The following ACAN variants were observed in gnomAD, a reference collection of about 807,000 sequenced individuals.
ACAN encodes aggrecan core protein.
A neutral mutation model predicts 169.1 loss-of-function variants in ACAN; 47 were observed. That is an observed-to-expected ratio of 0.28 (90% CI 0.22 to 0.35). The LOEUF (loss-of-function observed/expected upper bound fraction) is 0.35. ACAN is among the 10% of genes least tolerant of loss of function. The pLI, the probability that ACAN is intolerant of heterozygous loss-of-function variation, is 1.00. For synonymous variants in ACAN, 1,115 were observed against 1,112.2 expected (o/e 1.00, Z -0.05); for missense variants, 2,716 against 2,759.9 (o/e 0.98, Z 0.36).
chr15:88,818,781 A>G (rs1478446902), intron 1 of ACAN, among the ~76,000 whole-genome samples: 1 of 152,104 alleles, frequency 6.6e-6, no homozygotes, highest in Non-Finnish European at 1.5e-5. Flanking sequence ...TTAGGGGCCA[A>G]CCCCATGAAG....
At chr15:88,820,648 A>G (rs576808186) in intron 1 of ACAN, among the ~76,000 whole-genome samples, 3 of 151,726 alleles carry the variant, frequency 2.0e-5, no homozygotes, top group Admixed American at 2.0e-4. Flanking sequence ...CTCAAATCCT[A>G]CCTCTTTTTT....
chr15:88,819,735 C>T (rs972988308), intron 1 of ACAN, among the ~76,000 whole-genome samples: 10 of 152,032 alleles, frequency 6.6e-5, no homozygotes, highest in Non-Finnish European at 1.0e-4. Context: ...CACTGCACTC[C>T]AGCCTGGGTG....
Position 88,861,167 on chromosome 15 carries a change from T to C in ACAN, c.6946+728T>C, listed in dbSNP as rs1021050679. On this transcript the variant is annotated intron_variant, in intron 13 of 18. Coordinates refer to ENST00000560601, the MANE Select transcript of ACAN (RefSeq NM_001369268.1). This position sits in a 1 kb window ranked among gnomAD's most constrained non-coding sequence, Gnocchi z 6.3. ...GTCATGAGGACATCTCATCTCATCTTATCAACATCACCACCTTGAGGAAAG... is the reference window on the plus strand; with the variant it reads ...GTCATGAGGACATCTCATCTCATCTCATCAACATCACCACCTTGAGGAAAG... 2.0e-5 allele frequency among the ~76,000 whole-genome samples: 3 copies of C among 151,868 alleles called. No homozygotes were observed. The highest frequency in any genetic ancestry group is 6.6e-5 in the Admixed American group (1 of 15,264).
At chr15:88,845,953 C>T in intron 7 of ACAN, 71 bp downstream of exon 7, 2 of 1,409,286 alleles carry the variant, frequency 1.4e-6, no homozygotes, top group South Asian at 3.3e-5. Context: ...GGGATTCCCG[C>T]AGTTGAAGGC....
chr15:88,824,764 A>G (rs1896168410), intron 1 of ACAN, among the ~76,000 whole-genome samples: 1 of 152,086 alleles, frequency 6.6e-6, no homozygotes, highest in African/African-American at 2.4e-5. Flanking sequence ...CTGTAATCCC[A>G]GCTACTTGGG....
intron 1 of ACAN, among the ~76,000 whole-genome samples, chr15:88,835,788 C>T (rs1200848429): frequency 1.3e-5 from 2 of 152,202 alleles, no homozygotes; most frequent in Non-Finnish European, 2.9e-5. Flanking sequence ...TTAGGGAGGA[C>T]CATCTGCTTT....
At position 88,812,175 on chromosome 15, in the gene ACAN, C is replaced by T. The variant is rs1037461077; in HGVS notation, c.-8+8366C>T. Among the ~76,000 whole-genome samples the T allele has an allele frequency of 2.0e-5, 3 of 152,304 alleles. No homozygotes were observed. The South Asian group carries it at 6.2e-4, about 32-fold the overall frequency. On this transcript the variant is annotated intron_variant, in intron 1 of 18. Coordinates refer to ENST00000560601, the MANE Select transcript of ACAN (RefSeq NM_001369268.1). Reference sequence around the variant, plus strand: ...CCCATCTAGGCCCTCCCCATCTGCCCTCTTCTCTGGATCTGCCTTCTCAGT... The same window carrying T: ...CCCATCTAGGCCCTCCCCATCTGCCTTCTTCTCTGGATCTGCCTTCTCAGT...
rs545607763 is a variant in ACAN at position 88,838,241 on chromosome 15, A to T, written c.71-422A>T. 6.6e-6 allele frequency among the ~76,000 whole-genome samples: 1 copy of T among 152,200 alleles called. No homozygotes were observed. The highest frequency in any genetic ancestry group is 6.5e-5 in the Admixed American group (1 of 15,286). On this transcript the variant is annotated intron_variant, in intron 2 of 18. Coordinates refer to ENST00000560601, the MANE Select transcript of ACAN (RefSeq NM_001369268.1). This position sits in a 1 kb window ranked among gnomAD's most constrained non-coding sequence, Gnocchi z 5.1. Reference sequence around the variant, plus strand: ...CTGTCTCAGCTTTAAAATTGTGTAGATTACTTTTCTACCCCAACATAATTT... The same window carrying T: ...CTGTCTCAGCTTTAAAATTGTGTAGTTTACTTTTCTACCCCAACATAATTT...
chr15:88,848,737 C>T (rs1034032672), intron 9 of ACAN, among the ~76,000 whole-genome samples: 7 of 152,224 alleles, frequency 4.6e-5, no homozygotes, highest in Non-Finnish European at 1.0e-4. Context: ...AGAAAGATTT[C>T]GGCATTGCCA....
At chr15:88,842,724 C>T (rs1182587540) in intron 5 of ACAN, among the ~76,000 whole-genome samples, 1 of 152,134 alleles carries the variant, frequency 6.6e-6, no homozygotes, top group Non-Finnish European at 1.5e-5. Context: ...ACAAATAGAA[C>T]TGCCAGTTAG....
Position 88,805,617 on chromosome 15 carries a change from C to T in ACAN, c.-8+1808C>T, listed in dbSNP as rs184559339. On this transcript the variant is annotated intron_variant, in intron 1 of 18. Transcript: ENST00000560601. ...CTCTGTGCTCAATGCTGGCCCACAG[C>T]GGGTACTCAATAAACAGCAGATATG... 2.0e-5 allele frequency among the ~76,000 whole-genome samples: 3 copies of T among 152,256 alleles called. No homozygotes were observed. The East Asian group carries it at 5.8e-4, about 29-fold the overall frequency.
intron 6 of ACAN, among the ~76,000 whole-genome samples, chr15:88,844,492 G>C (rs1328263904): frequency 1.3e-5 from 2 of 152,018 alleles, no homozygotes; most frequent in Non-Finnish European, 2.9e-5. Flanking sequence ...TTCTGCCTCA[G>C]CCTCCCAGGT....
chr15:88,854,342 T>A (rs1896999671), intron 11 of ACAN, among the ~76,000 whole-genome samples: 1 of 152,148 alleles, frequency 6.6e-6, no homozygotes, highest in South Asian at 2.1e-4. Flanking sequence ...TCAGTGGGGC[T>A]GGGGTGAGGT....
At position 88,851,879 on chromosome 15, in the gene ACAN, A is replaced by T. The variant is rs1265173614; in HGVS notation, c.2112A>T (p.Gln704His). 6.8e-6 allele frequency: 11 copies of T among 1,612,450 alleles called. No individual in the cohort carries two copies. Among genetic ancestry groups the T allele is most frequent in the Non-Finnish European group, 9.3e-6 (11 of 1,179,396 alleles). Residue 704 changes from glutamine (Q) to histidine (H), a missense_variant, in exon 11 of 19, where the codon CAA becomes CAT. Gln to His is a conservative substitution (Grantham distance 24). This residue lies in a region of ACAN where 1,283 missense variants were observed against 1,281.5 expected (regional missense o/e 1.00). Transcript: ENST00000560601. This position sits in a 1 kb window ranked among gnomAD's most constrained non-coding sequence, Gnocchi z 4.3. The stretch of plus-strand genomic sequence containing the variant: ...GTGTGGAGGAGTGGATCGTGACCCA[A>T]GTGGTTCCTGGTGTGGCTGCTGTCC... ...PSGVEEWIVT[Q>H]VVPGVAAVPV...
intron 1 of ACAN, among the ~76,000 whole-genome samples, chr15:88,824,675 T>C (rs1896165752): frequency 6.6e-6 from 1 of 152,120 alleles, no homozygotes; most frequent in Non-Finnish European, 1.5e-5. Flanking sequence ...GGTCAGGAGT[T>C]CAAGAACAGC....
Position 88,872,902 on chromosome 15 carries a change from A to G in ACAN, c.7324A>G (p.Asn2442Asp). The change falls in exon 17 of 19, where the codon AAC becomes GAC. Residue 2442 changes from asparagine (N) to aspartate (D), a missense_variant. Transcript: ENST00000560601. This position sits in a 1 kb window ranked among gnomAD's most constrained non-coding sequence, Gnocchi z 5.4. ...ACAGCAATTTGAGAACTGGCGCCCC[A>G]ACCAGCCTGACAACTTTTTTGCCGC... ...HPMQFENWRP[N>D]QPDNFFAAGE... is the part of the protein sequence containing the mutation. 6.2e-7 allele frequency: 1 copy of G among 1,613,706 alleles called. No individual in the cohort carries two copies. Among genetic ancestry groups the G allele is most frequent in the Non-Finnish European group, 8.5e-7 (1 of 1,179,882 alleles).
chr15:88,845,456 A>C, intron 6 of ACAN, 49 bp from the exon 7 acceptor site: 1 of 1,550,836 alleles, frequency 6.4e-7, no homozygotes, highest in Non-Finnish European at 8.7e-7. Context: ...ATCCCCCTCA[A>C]GCCGGTCCCA....
intron 1 of ACAN, among the ~76,000 whole-genome samples, chr15:88,835,431 G>C (rs910727455): frequency 6.6e-6 from 1 of 151,604 alleles, no homozygotes; most frequent in Non-Finnish European, 1.5e-5. Context: ...ACGAGAGACA[G>C]AGAGAGAGAG....
intron 11 of ACAN, among the ~76,000 whole-genome samples, chr15:88,853,530 C>T (rs772804963): frequency 6.6e-6 from 1 of 151,922 alleles, no homozygotes; most frequent in Non-Finnish European, 1.5e-5. Flanking sequence ...CCCAGCTACT[C>T]GGGAGGCTGA....
Sources: gnomAD v4.1 joint callset for allele counts (sites outside exome capture counted in the v4.1 genomes callset) on GRCh38, gnomAD v4.1.1 for gene constraint, gnomAD v4.1.1 regional missense constraint, Gnocchi (gnomAD v3.1) non-coding constraint, MANE v1.5 for transcripts, NCBI Gene and HGNC (gene_info 2026-07-23, HGNC 2026-07-21) for gene names.